The following NAF1 variants were observed in gnomAD, a reference collection of about 807,000 sequenced individuals.
NAF1 encodes the protein H/ACA ribonucleoprotein complex non-core subunit NAF1.
NAF1 carries 11 observed loss-of-function variants against 40.6 expected under a neutral mutation model. The observed-to-expected ratio is 0.27, with a 90% confidence interval of 0.17 to 0.45. The LOEUF is 0.45. NAF1 is among the 20% of genes least tolerant of loss of function. The pLI is 1.00. For missense variants in NAF1, 607 were observed against 611.1 expected (o/e 0.99, Z 0.07); for synonymous variants, 260 against 228.5 (o/e 1.14, Z -1.24).
chr4:163,162,568 C>T (rs1469824895), intron 2 of NAF1, among the ~76,000 whole-genome samples: 1 of 152,220 alleles, frequency 6.6e-6, no homozygotes, highest in Admixed American at 6.5e-5. Flanking sequence ...TACACTTACA[C>T]AATTCAATAG....
At chr4:163,141,182 T>C (rs1579157485) in intron 4 of NAF1, among the ~76,000 whole-genome samples, 1 of 152,186 alleles carries the variant, frequency 6.6e-6, no homozygotes, top group South Asian at 2.1e-4. Flanking sequence ...CTGGCCAACA[T>C]AGTGAAACTC....
intron 4 of NAF1, among the ~76,000 whole-genome samples, 192 bp downstream of exon 4, chr4:163,145,590 T>C (rs1268759837): frequency 6.6e-6 from 1 of 152,128 alleles, no homozygotes; most frequent in Admixed American, 6.5e-5. Context: ...TGGCAAAGAG[T>C]AATAATCAGT....
chr4:163,118,609 C>T (rs746017554), intron 2 of NAF1, among the ~76,000 whole-genome samples: 68 of 152,176 alleles, frequency 4.5e-4, no homozygotes, highest in Non-Finnish European at 7.9e-4. Context: ...AAAAATTAGC[C>T]GGGCGTGGTG....
downstream of NAF1, among the ~76,000 whole-genome samples, chr4:163,107,775 G>A (rs541253237): frequency 1.8e-4 from 28 of 152,136 alleles, no homozygotes; most frequent in East Asian, 5.0e-3. Flanking sequence ...TGCTTGCCAA[G>A]GAGCCTTTTT....
At chr4:163,149,498 T>C (rs891762115) in intron 2 of NAF1, among the ~76,000 whole-genome samples, 2 of 152,180 alleles carry the variant, frequency 1.3e-5, no homozygotes, top group African/African-American at 4.8e-5. Context: ...TTCTGGGATA[T>C]GCTATTTTCT....
chr4:163,129,291 T>C lies in NAF1; in HGVS notation c.1091A>G (p.His364Arg), dbSNP rs762057137. The change falls in exon 8 of 8, where the codon CAT becomes CGT. Residue 364 changes from histidine (H) to arginine (R), a missense_variant. His to Arg is a conservative substitution (Grantham distance 29, BLOSUM62 0). Transcript: ENST00000274054. ...TTCTCTGTTACGATATCCTTTTGCA[T>C]GCTCTGAAGCAGAGCTATGAGCATT... is the stretch of plus-strand genomic sequence containing the variant. ...NWNAHSSASE[H>R]AKGYRNREFT... is the part of the protein sequence containing the mutation. The C allele has an allele frequency of 1.9e-6, 3 of 1,614,170 alleles. No homozygotes were observed. Among genetic ancestry groups the C allele is most frequent in the Admixed American group, 3.3e-5 (2 of 60,032 alleles).
intron 7 of NAF1, among the ~76,000 whole-genome samples, chr4:163,130,689 A>C: frequency 6.6e-6 from 1 of 152,192 alleles, no homozygotes; most frequent in Admixed American, 6.5e-5. Context: ...ACAACAGAGC[A>C]TAAGTAGTGT....
downstream of NAF1, chr4:163,108,716 G>T (rs2110785027): frequency 6.6e-6 from 1 of 152,166 alleles, no homozygotes; most frequent in Non-Finnish European, 1.5e-5. Context: ...TTCTTAAAAT[G>T]TATTCAATTA....
chr4:163,145,891 G>A, intron 3 of NAF1, 27 bp from the exon 4 acceptor site: 1 of 1,070,244 alleles, frequency 9.3e-7, no homozygotes, highest in Non-Finnish European at 1.4e-6. Flanking sequence ...ATTACTTCAA[G>A]ATTTACTTAT....
rs28584666 is a variant in NAF1, at chr4:163,145,953, T to A, written c.635-89A>T. ...TCTAAGCTTTAATTCCAACATAATT[T>A]AAAAAAAAATTGAAGGTGGGATTAT... On this transcript the variant is annotated intron_variant, in intron 3 of 7. Transcript: ENST00000274054. The A allele has an allele frequency of 0.23, 155,848 of 681,612 alleles. 18,822 individuals carry two copies. The highest frequency in any genetic ancestry group is 0.38 in the African/African-American group (20,142 of 52,924). 42.2% of individuals were successfully genotyped at this position (681,612 alleles called of 1,614,324 possible).
chr4:163,126,840 G>A (rs906860868), downstream of NAF1: 108 of 1,247,826 alleles, frequency 8.7e-5, no homozygotes, highest in South Asian at 2.9e-4. Context: ...ATTAGTCAGC[G>A]GCCAACAGCA....
chr4:163,120,156 G>C (rs184761482), intron 2 of NAF1, among the ~76,000 whole-genome samples: 19 of 152,140 alleles, frequency 1.2e-4, no homozygotes, highest in Non-Finnish European at 2.4e-4. Context: ...GAGTGCAAAT[G>C]TTTCCCAGCA....
downstream of NAF1, among the ~76,000 whole-genome samples, chr4:163,105,388 A>C (rs6841910): frequency 0.36 from 55,285 of 152,080 alleles, 11,272 homozygotes; most frequent in East Asian, 0.63. Flanking sequence ...CAAAATGCTT[A>C]ATAAATGTTA....
At position 163,117,131 on chromosome 4, in the gene NAF1, G is replaced by T. The variant is rs552127328; in HGVS notation, c.115-6841C>A. Among the ~76,000 whole-genome samples, 102 of 152,110 alleles carry T rather than the reference G, an allele frequency of 6.7e-4. 1 individual carries two copies. Among genetic ancestry groups the T allele is most frequent in the African/African-American group, 2.4e-3 (98 of 41,476 alleles). The stretch of plus-strand genomic sequence containing the variant: ...TTTACAGTTCTACGGCTTTTCTCAG[G>T]TTTATCTTTTATTTTTTAAGATTCA... On this transcript the variant is annotated intron_variant, in intron 2 of 2. Coordinates refer to the NAF1 transcript ENST00000509434.
the NAF1 span, among the ~76,000 whole-genome samples, chr4:163,104,771 G>C: frequency 6.6e-6 from 1 of 152,200 alleles, no homozygotes; most frequent in Non-Finnish European, 1.5e-5. Context: ...TCCTGGCAAA[G>C]CAATCTTTCC....
downstream of NAF1, among the ~76,000 whole-genome samples, chr4:163,125,557 G>A (rs1416241003): frequency 3.3e-5 from 5 of 152,196 alleles, no homozygotes; most frequent in Admixed American, 2.6e-4. Context: ...GAGAGAAACC[G>A]CAGAGGGAAA....
intron 1 of NAF1, among the ~76,000 whole-genome samples, chr4:163,165,441 T>C (rs1732412672): frequency 6.6e-6 from 1 of 152,218 alleles, no homozygotes; most frequent in Non-Finnish European, 1.5e-5. Flanking sequence ...GCTAGTAAAA[T>C]GAGCTCTGAA....
chr4:163,104,791 G>C, the NAF1 span, among the ~76,000 whole-genome samples: 1 of 152,200 alleles, frequency 6.6e-6, no homozygotes, highest in Non-Finnish European at 1.5e-5. Flanking sequence ...CACTTTCAAT[G>C]TTGATCACTT....
At chr4:163,114,957 A>G (rs886828101) in intron 2 of NAF1, among the ~76,000 whole-genome samples, 17 of 152,074 alleles carry the variant, frequency 1.1e-4, no homozygotes, top group African/African-American at 3.6e-4. Flanking sequence ...GTTTTTCTAG[A>G]AATTTGACTA....
Sources: allele counts gnomAD v4.1 joint callset (sites outside exome capture counted in the v4.1 genomes callset), GRCh38; gene constraint gnomAD v4.1.1; transcripts MANE v1.5; gene names NCBI Gene and HGNC (gene_info 2026-07-23, HGNC 2026-07-21).